Variants in GSG1L observed in about 807,000 individuals in gnomAD.
GSG1L encodes germ cell-specific gene 1-like protein.
In GSG1L, 24 loss-of-function variants were observed where a neutral mutation model predicts 42.1. The ratio of observed to expected loss-of-function variants is 0.57; its 90% CI spans 0.41 to 0.80. GSG1L has a LOEUF of 0.80. Ranked by LOEUF, GSG1L falls within the 30% of genes least tolerant of loss-of-function variation. The pLI, the probability that GSG1L is intolerant of heterozygous loss-of-function variation, is 0.00. For synonymous variants in GSG1L, 215 were observed against 203.5 expected, an observed-to-expected ratio of 1.06 and a Z score of -0.48; for missense variants, 445 against 472.2, an observed-to-expected ratio of 0.94 and a Z score of 0.53.
At chr16:28,049,984 C>T (rs1429080373) in intron 1 of GSG1L, among the ~76,000 whole-genome samples, 1 of 152,176 alleles carries the variant, frequency 6.6e-6, no homozygotes, top group Non-Finnish European at 1.5e-5. Context: ...TCTCTCTCCA[C>T]TGGAAGGAAG....
chr16:28,046,498 C>G (rs1168069734), intron 1 of GSG1L, among the ~76,000 whole-genome samples: 1 of 151,930 alleles, frequency 6.6e-6, no homozygotes, highest in Non-Finnish European at 1.5e-5. Flanking sequence ...GGACGACAGG[C>G]GCCCGCCACC....
chr16:27,953,635 T>C (rs2084974727), intron 2 of GSG1L, among the ~76,000 whole-genome samples: 2 of 152,034 alleles, frequency 1.3e-5, no homozygotes, highest in East Asian at 1.9e-4. Flanking sequence ...TCCCAGCACT[T>C]TGGGAGGCCA....
intron 2 of GSG1L, among the ~76,000 whole-genome samples, chr16:27,961,251 T>C (rs1858997): frequency 0.52 from 79,782 of 152,080 alleles, 21,416 homozygotes; most frequent in East Asian, 0.74. Flanking sequence ...CTCATGCACA[T>C]GCACACTCAC....
At chr16:27,979,692 A>AAAGAGAGAG (rs2085297750) in intron 1 of GSG1L, among the ~76,000 whole-genome samples, 1 of 40,300 alleles carries the variant, frequency 2.5e-5, no homozygotes, top group Non-Finnish European at 5.3e-5. Context: ...AGAAAGAAGG[A>AAAGAGAGAG]AGGAAGGAAG....
intron 1 of GSG1L, among the ~76,000 whole-genome samples, chr16:28,005,241 G>C (rs1010527523): frequency 2.0e-5 from 3 of 152,086 alleles, no homozygotes; most frequent in Non-Finnish European, 4.4e-5. Context: ...AGCCTCCCAA[G>C]TAGCTGGGAT....
chr16:27,865,501 TTC>T (rs1411875971), intron 3 of GSG1L, among the ~76,000 whole-genome samples: 2 of 137,202 alleles, frequency 1.5e-5, no homozygotes, highest in Admixed American at 1.5e-4. Flanking sequence ...GCAGGGACGC[TTC>T]TTTCTTTCTC....
At chr16:27,942,877 C>T (rs2084816886) in intron 2 of GSG1L, among the ~76,000 whole-genome samples, 1 of 152,190 alleles carries the variant, frequency 6.6e-6, no homozygotes, top group African/African-American at 2.4e-5. Context: ...GTTGAAGATA[C>T]ACTAAGTCAA....
chr16:27,791,887 C>T (rs2082758784), intron 6 of GSG1L, among the ~76,000 whole-genome samples: 1 of 152,158 alleles, frequency 6.6e-6, no homozygotes, highest in Admixed American at 6.5e-5. Context: ...CCCAATAACA[C>T]ACCTTTACAT....
At chr16:27,857,461 G>GC (rs1320758281) in intron 3 of GSG1L, among the ~76,000 whole-genome samples, 3 of 151,690 alleles carry the variant, frequency 2.0e-5, no homozygotes, top group Non-Finnish European at 2.9e-5. Flanking sequence ...GGCGTGGGGG[G>GC]CCAGGTGCGA....
At chr16:28,010,581 C>A (rs1055948975) in intron 1 of GSG1L, among the ~76,000 whole-genome samples, 13 of 152,182 alleles carry the variant, frequency 8.5e-5, no homozygotes, top group African/African-American at 2.9e-4. Flanking sequence ...GACCTTCAAT[C>A]TCCATGAGAC....
chr16:27,838,583 A>AG (rs1348297283), intron 4 of GSG1L, among the ~76,000 whole-genome samples: 6 of 152,156 alleles, frequency 3.9e-5, no homozygotes, highest in Non-Finnish European at 7.4e-5. Flanking sequence ...AGAGGGACAC[A>AG]GGGGGAGCAG....
chr16:27,900,930 C>G (rs34111086), intron 2 of GSG1L, among the ~76,000 whole-genome samples: 9,237 of 151,950 alleles, frequency 0.061, 333 homozygotes, highest in Non-Finnish European at 0.084. Flanking sequence ...GAGTTCAAGA[C>G]CAGCCTGGCC....
At chr16:28,007,034 G>A (rs1175755093) in intron 1 of GSG1L, among the ~76,000 whole-genome samples, 1 of 152,132 alleles carries the variant, frequency 6.6e-6, no homozygotes, top group Non-Finnish European at 1.5e-5. Flanking sequence ...TCCACCCATA[G>A]GCCCCTCCAC....
At chr16:28,020,854 C>T (rs903736464) in intron 1 of GSG1L, among the ~76,000 whole-genome samples, 5 of 152,278 alleles carry the variant, frequency 3.3e-5, no homozygotes, top group Non-Finnish European at 5.9e-5. Flanking sequence ...CAGCCATGTA[C>T]GTGAGGCCCC....
chr16:27,937,556 G>A (rs1276443582), intron 2 of GSG1L, among the ~76,000 whole-genome samples: 5 of 152,092 alleles, frequency 3.3e-5, no homozygotes, highest in African/African-American at 7.2e-5. Flanking sequence ...CTGCCCTCTC[G>A]AAGGACCATC....
chr16:27,949,999 G>A (rs896803829), intron 2 of GSG1L, among the ~76,000 whole-genome samples: 1 of 152,148 alleles, frequency 6.6e-6, no homozygotes, highest in Non-Finnish European at 1.5e-5. Context: ...CATAACACAG[G>A]CAGTGTGGTT....
At position 28,042,473 on chromosome 16, in the gene GSG1L, C is replaced by G. The variant is rs932184504; in HGVS notation, c.349+20603G>C. On this transcript the variant is annotated intron_variant, in intron 1 of 6. Coordinates refer to ENST00000447459, the MANE Select transcript of GSG1L (RefSeq NM_001109763.2). ...AAAAAGTCATAAAATGTAAGTAAAT[C>G]CCAACAACAGAGAAATCCATTTAGT... Among the ~76,000 whole-genome samples the G allele has an allele frequency of 2.0e-5, 3 of 151,518 alleles. No homozygotes were observed. The East Asian group carries it at 5.8e-4, about 29-fold the overall frequency.
intron 1 of GSG1L, 127 bp downstream of exon 1, chr16:28,062,949 A>G (rs1219225154): frequency 8.5e-7 from 1 of 1,181,296 alleles, no homozygotes; most frequent in Non-Finnish European, 1.0e-6. Context: ...GCCCCTAGCC[A>G]GGCGGAGCGC....
At chr16:27,898,398 A>T (rs2084216483) in intron 2 of GSG1L, among the ~76,000 whole-genome samples, 1 of 124,802 alleles carries the variant, frequency 8.0e-6, no homozygotes, top group African/African-American at 3.1e-5. Context: ...TCATCTCTCC[A>T]GGTCTCCTTT....
Sources: allele counts gnomAD v4.1 joint callset (sites outside exome capture counted in the v4.1 genomes callset), GRCh38; gene constraint gnomAD v4.1.1; transcripts MANE v1.5; gene names NCBI Gene and HGNC (gene_info 2026-07-23, HGNC 2026-07-21).